RERE: variants seen among roughly 807,000 people sequenced by gnomAD.
RERE encodes arginine-glutamic acid dipeptide repeats.
RERE carries 40 observed loss-of-function variants against 146.1 expected under a neutral mutation model. That is an observed-to-expected ratio of 0.27 (90% CI 0.21 to 0.36). The LOEUF (loss-of-function observed/expected upper bound fraction) is 0.36. Among genes scored for constraint, RERE ranks in the 10% least tolerant of loss-of-function variants. RERE has a pLI of 1.00. For missense variants in RERE, 1,933 were observed against 2,138.7 expected, an observed-to-expected ratio of 0.90 and a Z score of 1.90; for synonymous variants, 1,003 against 866.0, an observed-to-expected ratio of 1.16 and a Z score of -2.78.
intron 4 of RERE, among the ~76,000 whole-genome samples, chr1:8,580,826 C>A (rs1162768262): frequency 6.6e-6 from 1 of 151,944 alleles, no homozygotes; most frequent in Non-Finnish European, 1.5e-5. Context: ...GATCCTCCCA[C>A]TTGAGTTGTG....
chr1:8,398,261 A>C (rs1370220783), intron 12 of RERE, among the ~76,000 whole-genome samples: 1 of 152,268 alleles, frequency 6.6e-6, no homozygotes, highest in East Asian at 1.9e-4. Context: ...AAAGAAAAGC[A>C]GTAGGGAAGG....
At chr1:8,529,455 A>T (rs1051174767) in intron 7 of RERE, among the ~76,000 whole-genome samples, 16 of 103,812 alleles carry the variant, frequency 1.5e-4, no homozygotes, top group Admixed American at 8.0e-4. Context: ...ACACCCAACT[A>T]AATTTTTTAA....
chr1:8,537,714 T>A (rs1645745429), intron 7 of RERE, among the ~76,000 whole-genome samples: 3 of 152,162 alleles, frequency 2.0e-5, no homozygotes, highest in African/African-American at 7.2e-5. Context: ...TTCCCAAATG[T>A]TAAAGGCAAC....
intron 6 of RERE, among the ~76,000 whole-genome samples, chr1:8,550,524 GT>G (rs1473454453): frequency 6.6e-6 from 1 of 152,050 alleles, no homozygotes; most frequent in Non-Finnish European, 1.5e-5. Flanking sequence ...GCTAAAGGGT[GT>G]TTTTTGTTGT....
At chr1:8,415,051 T>C (rs1485328500) in intron 12 of RERE, among the ~76,000 whole-genome samples, 2 of 152,232 alleles carry the variant, frequency 1.3e-5, no homozygotes, top group African/African-American at 4.8e-5. Flanking sequence ...TTCAGATACA[T>C]TTTGAAACTT....
At chr1:8,489,243 C>T (rs75545260) in intron 10 of RERE, among the ~76,000 whole-genome samples, 4,281 of 151,668 alleles carry the variant, frequency 0.028, 176 homozygotes, top group African/African-American at 0.098. Context: ...GCCTGTAGTC[C>T]CAGGTACTCA....
intron 1 of RERE, among the ~76,000 whole-genome samples, chr1:8,799,826 T>TC (rs1231356596): frequency 6.6e-6 from 1 of 151,970 alleles, no homozygotes; most frequent in Non-Finnish European, 1.5e-5. Flanking sequence ...TTTTGCTTTT[T>TC]TTTAAGATGG....
intron 7 of RERE, among the ~76,000 whole-genome samples, chr1:8,521,436 G>C (rs1466344276): frequency 6.6e-6 from 1 of 152,102 alleles, no homozygotes; most frequent in Non-Finnish European, 1.5e-5. Context: ...GAGGCCAGGA[G>C]TTCGAGACCA....
Position 8,361,890 on chromosome 1 carries a change from G to T in RERE, c.1903-14C>A. 2 of 1,593,166 alleles carry T rather than the reference G, an allele frequency of 1.3e-6. No individual in the cohort carries two copies. The highest frequency in any genetic ancestry group is 2.2e-5 in the East Asian group (1 of 44,756). On this transcript the variant is annotated splice_polypyrimidine_tract_variant and intron_variant, in intron 16 of 22. Coordinates refer to ENST00000400908, the MANE Select transcript of RERE (RefSeq NM_001042681.2). ...CTCCTTCACCTTCTGCAGGGGAAAA[G>T]CCCACAAGGAGCAATCAGGCCAAGG...
chr1:8,393,796 T>C (rs1031746759), intron 12 of RERE, among the ~76,000 whole-genome samples: 2 of 152,192 alleles, frequency 1.3e-5, no homozygotes, highest in Non-Finnish European at 2.9e-5. Context: ...GGATTACTAG[T>C]ATCCAGGTAA....
intron 1 of RERE, chr1:8,798,537 C>G (rs1002279671): frequency 9.3e-6 from 2 of 215,276 alleles, no homozygotes; most frequent in African/African-American, 4.6e-5. Context: ...AGATGCTACT[C>G]AGGAAGCAAA....
intron 2 of RERE, among the ~76,000 whole-genome samples, chr1:8,650,928 A>G (rs1467338608): frequency 6.6e-6 from 1 of 150,660 alleles, no homozygotes; most frequent in Non-Finnish European, 1.5e-5. Flanking sequence ...AAATTAAATA[A>G]ATAAATAAAT....
At chr1:8,657,322 A>T in intron 1 of RERE, among the ~76,000 whole-genome samples, 1 of 108,904 alleles carries the variant, frequency 9.2e-6, no homozygotes, top group East Asian at 2.5e-4. Context: ...AAAAAAAAAA[A>T]GAAGAAGAAA....
chr1:8,379,471 C>T (rs1642370308), intron 12 of RERE, among the ~76,000 whole-genome samples: 1 of 152,204 alleles, frequency 6.6e-6, no homozygotes, highest in Admixed American at 6.5e-5. Flanking sequence ...GTTGAGAAAA[C>T]ACACACAACG....
intron 1 of RERE, among the ~76,000 whole-genome samples, chr1:8,777,860 G>T (rs1345430596): frequency 6.8e-6 from 1 of 147,306 alleles, no homozygotes; most frequent in East Asian, 2.1e-4. Context: ...TTTAATAAAA[G>T]TATATGGTAT....
At chr1:8,643,391 T>C (rs1647207009) in intron 2 of RERE, among the ~76,000 whole-genome samples, 1 of 152,226 alleles carries the variant, frequency 6.6e-6, no homozygotes, top group Admixed American at 6.5e-5. Flanking sequence ...GAACACACTG[T>C]GGTTCACTGC....
At chr1:8,814,233 T>C (rs889246788) in intron 1 of RERE, among the ~76,000 whole-genome samples, 1 of 152,232 alleles carries the variant, frequency 6.6e-6, no homozygotes, top group Admixed American at 6.5e-5. Context: ...CTGGAACAGA[T>C]GTTTATCCTA....
At chr1:8,786,156 T>C in intron 1 of RERE, 1 of 553,918 alleles carries the variant, frequency 1.8e-6, no homozygotes, top group South Asian at 1.8e-5. Context: ...CTACTGTTTA[T>C]TTAAACTGAT....
At chr1:8,497,631 A>C (rs7530745) in intron 8 of RERE, 102 bp from the exon 9 acceptor site, 785,528 of 1,234,258 alleles carry the variant, frequency 0.64, 255,553 homozygotes, top group East Asian at 0.84. Context: ...TTTTACTGAG[A>C]CTCTTTCCTT....
Sources: allele counts gnomAD v4.1 joint callset (sites outside exome capture counted in the v4.1 genomes callset), GRCh38; gene constraint gnomAD v4.1.1; transcripts MANE v1.5; gene names NCBI Gene and HGNC (gene_info 2026-07-23, HGNC 2026-07-21).